Variants in CNTNAP5 observed in about 807,000 individuals in gnomAD.
CNTNAP5 encodes contactin associated protein family member 5, also known as contactin-associated protein-like 5.
A neutral mutation model predicts 150.2 loss-of-function variants in CNTNAP5; 72 were observed. The ratio of observed to expected loss-of-function variants is 0.48; its 90% CI spans 0.40 to 0.58. The LOEUF is 0.58. Ranked by LOEUF, CNTNAP5 falls within the 20% of genes least tolerant of loss-of-function variation. The probability of loss-of-function intolerance (pLI) is 0.00; values close to 1 mark genes in which losing one functional copy is unlikely to be tolerated. For synonymous variants in CNTNAP5, 672 were observed against 619.8 expected (o/e 1.08, Z -1.25); for missense variants, 1,636 against 1,626.2 (o/e 1.01, Z -0.10).
At chr2:124,571,514 T>A (rs960541734) in intron 11 of CNTNAP5, among the ~76,000 whole-genome samples, 2 of 95,104 alleles carry the variant, frequency 2.1e-5, no homozygotes, top group Admixed American at 2.8e-4. Context: ...CTGAGTACTT[T>A]TTTTTCTTTT....
At chr2:124,182,095 C>T (rs1685222208) in intron 1 of CNTNAP5, among the ~76,000 whole-genome samples, 1 of 152,130 alleles carries the variant, frequency 6.6e-6, no homozygotes, top group South Asian at 2.1e-4. Context: ...AGAAAAGTGG[C>T]TTTAATACTA....
chr2:124,483,881 C>T (rs1047730146), intron 7 of CNTNAP5, among the ~76,000 whole-genome samples: 11 of 152,218 alleles, frequency 7.2e-5, no homozygotes, highest in African/African-American at 1.9e-4. Flanking sequence ...CCATCTCCTC[C>T]GAACTTTCTG....
chr2:124,884,620 G>A (rs1325731465), intron 21 of CNTNAP5, among the ~76,000 whole-genome samples: 1 of 151,810 alleles, frequency 6.6e-6, no homozygotes, highest in Non-Finnish European at 1.5e-5. Context: ...ATTTATCTTG[G>A]GACAGGCACA....
At chr2:124,668,172 C>G (rs1678738883) in intron 13 of CNTNAP5, among the ~76,000 whole-genome samples, 2 of 152,152 alleles carry the variant, frequency 1.3e-5, no homozygotes, top group Admixed American at 6.5e-5. Context: ...TATACACAAC[C>G]ATGAGGGCCT....
At chr2:124,264,389 TACACACACAC>T (rs200429155) in intron 3 of CNTNAP5, among the ~76,000 whole-genome samples, 22,523 of 126,158 alleles carry the variant, frequency 0.18, 1,855 homozygotes, top group Non-Finnish European at 0.23. Flanking sequence ...CACACACACA[TACACACACAC>T]ACACACACAC....
chr2:124,643,222 A>G (rs191496042), intron 12 of CNTNAP5, among the ~76,000 whole-genome samples: 30 of 152,314 alleles, frequency 2.0e-4, no homozygotes, highest in African/African-American at 7.2e-4. Flanking sequence ...CCTAAGTAAA[A>G]GAATTGATCT....
At chr2:124,583,391 T>G (rs1207065025) in intron 11 of CNTNAP5, among the ~76,000 whole-genome samples, 3 of 152,236 alleles carry the variant, frequency 2.0e-5, no homozygotes, top group African/African-American at 7.2e-5. Context: ...CACAGCATCA[T>G]TTCCCCTCAC....
intron 12 of CNTNAP5, among the ~76,000 whole-genome samples, chr2:124,612,645 G>A (rs750307304): frequency 6.6e-6 from 1 of 152,122 alleles, no homozygotes; most frequent in East Asian, 1.9e-4. Flanking sequence ...ATTGTGTCCC[G>A]AGTTGATCAG....
chr2:124,430,084 A>G (rs1692336857), intron 4 of CNTNAP5, among the ~76,000 whole-genome samples: 1 of 152,122 alleles, frequency 6.6e-6, no homozygotes, highest in South Asian at 2.1e-4. Flanking sequence ...TGCGAGGTGC[A>G]TTATGAAGGG....
intron 3 of CNTNAP5, among the ~76,000 whole-genome samples, chr2:124,276,033 A>G (rs1057423874): frequency 2.6e-5 from 4 of 151,994 alleles, no homozygotes; most frequent in Non-Finnish European, 4.4e-5. Flanking sequence ...TTTTCCCTTA[A>G]TTTCAAGTAC....
chr2:124,724,871 A>G (rs1348448247), intron 13 of CNTNAP5, among the ~76,000 whole-genome samples: 1 of 150,226 alleles, frequency 6.7e-6, no homozygotes, highest in Non-Finnish European at 1.5e-5. Flanking sequence ...ACTGTGGTAC[A>G]TTAATCCCTC....
intron 3 of CNTNAP5, among the ~76,000 whole-genome samples, chr2:124,415,283 T>C (rs1023050711): frequency 2.0e-5 from 3 of 152,296 alleles, no homozygotes; most frequent in Admixed American, 2.0e-4. Flanking sequence ...CATTCTTTTA[T>C]ATGAGAGTTT....
chr2:124,086,183 A>T (rs1433847787), intron 1 of CNTNAP5, among the ~76,000 whole-genome samples: 1 of 130,296 alleles, frequency 7.7e-6, no homozygotes, highest in African/African-American at 2.8e-5. Context: ...TTTTTGGTGT[A>T]CACACTTTTT....
At chr2:124,655,663 C>T (rs12468773) in intron 13 of CNTNAP5, among the ~76,000 whole-genome samples, 83,802 of 151,214 alleles carry the variant, frequency 0.55, 23,790 homozygotes, top group Non-Finnish European at 0.62. Context: ...TTTGAGACGC[C>T]GAGGTGGGAG....
chr2:124,072,672 A>T (rs1682334353), intron 1 of CNTNAP5, among the ~76,000 whole-genome samples: 1 of 151,880 alleles, frequency 6.6e-6, no homozygotes, highest in African/African-American at 2.4e-5. Flanking sequence ...AAAATGAAAA[A>T]TCTCTACAAT....
chr2:124,166,790 G>A (rs1273205797), intron 1 of CNTNAP5, among the ~76,000 whole-genome samples: 1 of 152,070 alleles, frequency 6.6e-6, no homozygotes, highest in Non-Finnish European at 1.5e-5. Flanking sequence ...CATGTCATTG[G>A]CAGAGATTAG....
rs1179094565 is a variant in CNTNAP5 at position 124,667,590 on chromosome 2, C to T, written c.2077+19632C>T. 3.3e-5 allele frequency among the ~76,000 whole-genome samples: 5 copies of T among 152,178 alleles called. No individual in the cohort carries two copies. In the East Asian group the frequency reaches 9.6e-4, roughly 29 times the overall value. On this transcript the variant is annotated intron_variant, in intron 13 of 23. Transcript: ENST00000682447. ...TGCTAATTTCATTTCTCATCCTCCA[C>T]CATGCCTGAATACACAGTTTACCTA...
chr2:124,361,996 G>A (rs1368218886), intron 3 of CNTNAP5, among the ~76,000 whole-genome samples: 2 of 152,238 alleles, frequency 1.3e-5, no homozygotes, highest in African/African-American at 4.8e-5. Flanking sequence ...GCCAGGTGCG[G>A]GATATAATCT....
Position 124,196,343 on chromosome 2 carries a change from G to A in CNTNAP5, c.83-25362G>A, listed in dbSNP as rs563360381. On this transcript the variant is annotated intron_variant, in intron 1 of 23. Transcript: ENST00000682447. ...TACATGATGGACTCTGGCAGCATCC[G>A]TTATCTCATGTTACAGTAAGCATGA... Among the ~76,000 whole-genome samples, 11 of 152,206 alleles carry A rather than the reference G, an allele frequency of 7.2e-5. 1 individual carries two copies. The South Asian group carries it at 1.2e-3, about 17-fold the overall frequency.
Sources: allele counts gnomAD v4.1 joint callset (sites outside exome capture counted in the v4.1 genomes callset), GRCh38; gene constraint gnomAD v4.1.1; transcripts MANE v1.5; gene names NCBI Gene and HGNC (gene_info 2026-07-23, HGNC 2026-07-21).